Variants in EXOC4 observed in about 807,000 individuals in gnomAD.
EXOC4 encodes SEC8-like 1.
Under a neutral mutation model 107.2 loss-of-function variants are expected in EXOC4, and 71 were observed. The observed-to-expected ratio is 0.66, with a 90% CI of 0.55 to 0.81. The LOEUF (loss-of-function observed/expected upper bound fraction) is 0.81. Ranked by LOEUF, EXOC4 falls within the 30% of genes least tolerant of loss-of-function variation. The pLI, the probability that EXOC4 is intolerant of heterozygous loss-of-function variation, is 0.00. For missense variants in EXOC4, 1,108 were observed against 1,189.6 expected (o/e 0.93, Z 1.01); for synonymous variants, 456 against 441.2 (o/e 1.03, Z -0.42).
chr7:134,033,798 A>T (rs1248751469), intron 17 of EXOC4, among the ~76,000 whole-genome samples: 1 of 152,044 alleles, frequency 6.6e-6, no homozygotes, highest in East Asian at 1.9e-4. Flanking sequence ...AGAGGGGCAT[A>T]AAAAAAAGTC....
chr7:133,906,389 T>A (rs1799566422), intron 12 of EXOC4, among the ~76,000 whole-genome samples: 1 of 152,146 alleles, frequency 6.6e-6, no homozygotes, highest in African/African-American at 2.4e-5. Context: ...GCATCCACCT[T>A]TAAACACGGG....
intron 11 of EXOC4, among the ~76,000 whole-genome samples, chr7:133,884,610 T>TGTGC (rs974830404): frequency 6.6e-6 from 1 of 150,804 alleles, no homozygotes; most frequent in African/African-American, 2.5e-5. Context: ...TGTGTGTGTG[T>TGTGC]GTGTGTGTGT....
chr7:133,892,857 A>G (rs1339914593), intron 11 of EXOC4, among the ~76,000 whole-genome samples: 1 of 144,374 alleles, frequency 6.9e-6, no homozygotes, highest in African/African-American at 2.7e-5. Context: ...TATGTGGTCA[A>G]TTTTGGAATA....
At chr7:133,626,589 T>G (rs916717491) in intron 9 of EXOC4, among the ~76,000 whole-genome samples, 3 of 152,174 alleles carry the variant, frequency 2.0e-5, no homozygotes, top group African/African-American at 7.2e-5. Flanking sequence ...TTTTCATATT[T>G]CTGCCCGAAC....
intron 9 of EXOC4, among the ~76,000 whole-genome samples, chr7:133,494,687 T>C (rs1799439244): frequency 6.6e-6 from 1 of 152,226 alleles, no homozygotes; most frequent in Non-Finnish European, 1.5e-5. Flanking sequence ...ACAATAGATG[T>C]AGTTGCCCTA....
intron 11 of EXOC4, among the ~76,000 whole-genome samples, chr7:133,874,562 C>A (rs533932668): frequency 2.0e-4 from 30 of 152,304 alleles, no homozygotes; most frequent in African/African-American, 6.7e-4. Context: ...GCCAAGCTCC[C>A]TGCCATTCTC....
intron 10 of EXOC4, among the ~76,000 whole-genome samples, chr7:133,676,670 CT>C (rs565054038): frequency 6.6e-6 from 1 of 152,054 alleles, no homozygotes; most frequent in Admixed American, 6.6e-5. Flanking sequence ...CCACCCTATC[CT>C]TTTTTCCCCA....
chr7:133,952,030 C>T (rs887906061), intron 14 of EXOC4, among the ~76,000 whole-genome samples: 3 of 152,144 alleles, frequency 2.0e-5, no homozygotes, highest in African/African-American at 7.2e-5. Context: ...GTGGCAGGCA[C>T]CTGTAATCTC....
intron 9 of EXOC4, among the ~76,000 whole-genome samples, chr7:133,515,477 GAA>G (rs921467065): frequency 9.2e-5 from 14 of 152,062 alleles, no homozygotes; most frequent in African/African-American, 3.4e-4. Flanking sequence ...TAGTGAGAGA[GAA>G]AGAGAGAGAG....
chr7:133,487,821 CAT>C (rs907020746), intron 9 of EXOC4, among the ~76,000 whole-genome samples: 2 of 152,238 alleles, frequency 1.3e-5, no homozygotes, highest in East Asian at 1.9e-4. Flanking sequence ...ACTTATATCT[CAT>C]ATTTTCAATT....
At chr7:133,979,398 T>C (rs201161214) in intron 14 of EXOC4, among the ~76,000 whole-genome samples, 3 of 152,196 alleles carry the variant, frequency 2.0e-5, no homozygotes, top group East Asian at 1.9e-4. Context: ...AAATAAATGC[T>C]GACTCCAGGC....
chr7:133,796,854 A>G (rs1796827622), intron 10 of EXOC4, among the ~76,000 whole-genome samples: 1 of 152,184 alleles, frequency 6.6e-6, no homozygotes, highest in Non-Finnish European at 1.5e-5. Flanking sequence ...CGTGCCTGGG[A>G]AGCTAATTAT....
intron 10 of EXOC4, among the ~76,000 whole-genome samples, chr7:133,810,161 A>G (rs1387980999): frequency 1.3e-5 from 2 of 152,238 alleles, no homozygotes; most frequent in South Asian, 4.1e-4. Context: ...CAAATAAATA[A>G]AACATCACTG....
At chr7:133,716,792 T>G (rs944603835) in intron 10 of EXOC4, among the ~76,000 whole-genome samples, 1 of 151,884 alleles carries the variant, frequency 6.6e-6, no homozygotes, top group African/African-American at 2.4e-5. Flanking sequence ...ATACAAAAAT[T>G]AGCAAGGTGT....
chr7:133,451,221 CTT>C (rs34580866), intron 7 of EXOC4, among the ~76,000 whole-genome samples: 23 of 147,400 alleles, frequency 1.6e-4, no homozygotes, highest in South Asian at 2.1e-4. Context: ...CATTGTGAAG[CTT>C]TTTTTTTTTT....
chr7:133,935,382 T>A (rs947920551), intron 13 of EXOC4, among the ~76,000 whole-genome samples: 1 of 152,266 alleles, frequency 6.6e-6, no homozygotes, highest in East Asian at 1.9e-4. Flanking sequence ...TTGTTTTGTT[T>A]CATCTTAAGT....
chr7:133,394,467 T>C (rs1275679907), intron 7 of EXOC4, among the ~76,000 whole-genome samples: 1 of 152,182 alleles, frequency 6.6e-6, no homozygotes, highest in Non-Finnish European at 1.5e-5. Context: ...ATTATGTAAT[T>C]CTTTGGAGTA....
chr7:134,097,991 A>C, the EXOC4 span, among the ~76,000 whole-genome samples: 2 of 150,458 alleles, frequency 1.3e-5, no homozygotes, highest in Non-Finnish European at 3.0e-5. Flanking sequence ...GCATGAGACA[A>C]TGAAGGCAAA....
At chr7:133,664,801 G>A (rs1562898053) in intron 10 of EXOC4, among the ~76,000 whole-genome samples, 1 of 152,028 alleles carries the variant, frequency 6.6e-6, no homozygotes, top group East Asian at 1.9e-4. Flanking sequence ...TGTAGGCTGA[G>A]CAACCATGCA....
Sources: allele counts gnomAD v4.1 joint callset (sites outside exome capture counted in the v4.1 genomes callset), GRCh38; gene constraint gnomAD v4.1.1; transcripts MANE v1.5; gene names NCBI Gene and HGNC (gene_info 2026-07-23, HGNC 2026-07-21).